RREB1: variants seen among roughly 807,000 people sequenced by gnomAD.
RREB1 encodes the protein ras responsive element binding protein 1.
RREB1 carries 27 observed loss-of-function variants against 117.8 expected under a neutral mutation model. The observed-to-expected ratio is 0.23, with a 90% confidence interval of 0.17 to 0.32. RREB1 has a LOEUF of 0.32. Ranked by LOEUF, RREB1 falls within the 10% of genes least tolerant of loss-of-function variation. The pLI is 1.00. For synonymous variants in RREB1, 1,298 were observed against 1,026.7 expected (o/e 1.26, Z -5.05); for missense variants, 2,577 against 2,378.2 (o/e 1.08, Z -1.74).
intron 1 of RREB1, among the ~76,000 whole-genome samples, chr6:7,157,028 C>G (rs1315401817): frequency 6.6e-6 from 1 of 152,210 alleles, no homozygotes; most frequent in African/African-American, 2.4e-5. Flanking sequence ...GCTGCCTTGC[C>G]CCAGCTCCCT....
At chr6:7,227,801 C>T (rs1767674342) in intron 9 of RREB1, among the ~76,000 whole-genome samples, 1 of 152,170 alleles carries the variant, frequency 6.6e-6, no homozygotes, top group Non-Finnish European at 1.5e-5. Context: ...CACAATGGCT[C>T]ATACCTGTAA....
intron 1 of RREB1, among the ~76,000 whole-genome samples, chr6:7,120,121 A>G (rs907264018): frequency 5.9e-5 from 8 of 136,240 alleles, no homozygotes; most frequent in African/African-American, 1.1e-4. Context: ...TTTTTTAGCT[A>G]TTTCTTTACT....
At chr6:7,201,616 T>C (rs1480896602) in intron 6 of RREB1, among the ~76,000 whole-genome samples, 3 of 151,536 alleles carry the variant, frequency 2.0e-5, no homozygotes, top group Non-Finnish European at 4.4e-5. Flanking sequence ...TGTGTGCCTG[T>C]GGGCCATCCT....
intron 8 of RREB1, chr6:7,212,817 G>A (rs1766692174): frequency 6.6e-6 from 1 of 152,076 alleles, no homozygotes. Flanking sequence ...TATGTTATAG[G>A]GAAAATCCAA....
intron 5 of RREB1, 157 bp downstream of exon 5, chr6:7,187,680 C>T (rs1013397862): frequency 2.4e-5 from 8 of 335,324 alleles, no homozygotes; most frequent in Admixed American, 1.9e-4. Context: ...TCAGTACCTT[C>T]GGACCAGCCT....
intron 1 of RREB1, among the ~76,000 whole-genome samples, chr6:7,121,562 CTTG>C (rs1305189979): frequency 1.3e-5 from 2 of 152,108 alleles, no homozygotes; most frequent in South Asian, 2.1e-4. Flanking sequence ...GTCAGCAACA[CTTG>C]TTGTGTATCT....
chr6:7,224,796 T>G (rs1767485828), intron 8 of RREB1, among the ~76,000 whole-genome samples: 1 of 152,150 alleles, frequency 6.6e-6, no homozygotes, highest in Non-Finnish European at 1.5e-5. Context: ...GTCCCTTCCC[T>G]GGGCCTTGAC....
intron 2 of RREB1, among the ~76,000 whole-genome samples, chr6:7,177,983 A>G (rs1351477524): frequency 6.6e-6 from 1 of 152,138 alleles, no homozygotes; most frequent in African/African-American, 2.4e-5. Context: ...CTGGCCTCCC[A>G]AAGTGCTGGG....
At chr6:7,188,793 C>T (rs546574537) in intron 5 of RREB1, among the ~76,000 whole-genome samples, 1 of 152,240 alleles carries the variant, frequency 6.6e-6, no homozygotes, top group African/African-American at 2.4e-5. Flanking sequence ...GACGTTGACT[C>T]CTTTAATGGA....
At chr6:7,109,333 T>C (rs1413523432) in intron 1 of RREB1, among the ~76,000 whole-genome samples, 1 of 151,474 alleles carries the variant, frequency 6.6e-6, no homozygotes, top group East Asian at 2.0e-4. Flanking sequence ...CTTAGGAAAC[T>C]GCGACCTTAA....
At chr6:7,152,055 A>G (rs1763149556) in intron 1 of RREB1, among the ~76,000 whole-genome samples, 1 of 152,246 alleles carries the variant, frequency 6.6e-6, no homozygotes, top group African/African-American at 2.4e-5. Flanking sequence ...TGATTTGAGG[A>G]TGCATTATGA....
Position 7,249,101 on chromosome 6 carries a change from G to GAGAGAGAGAGAGAGACAGACAGAC in RREB1, c.*136_*137insGAGAGAGAGAGACAGACAGACAGA, listed in dbSNP as rs1561812153. On this transcript the variant is annotated 3_prime_UTR_variant, in exon 13 of 13. Transcript: ENST00000379938. ...AGAGAGAGAGAGAGAGAGAGAGAGA[G>GAGAGAGAGAGAGAGACAGACAGAC]AGACAAGCAGGAGCGTGGCTGCTCG... The GAGAGAGAGAGAGAGACAGACAGAC allele has an allele frequency of 3.4e-6, 2 of 591,898 alleles. No homozygotes were observed. The highest frequency in any genetic ancestry group is 3.5e-5 in the Admixed American group (1 of 28,870). 36.7% of individuals were successfully genotyped at this position (591,898 alleles called of 1,614,324 possible).
chr6:7,171,117 G>A (rs1764185698), intron 1 of RREB1, among the ~76,000 whole-genome samples: 1 of 152,196 alleles, frequency 6.6e-6, no homozygotes, highest in Admixed American at 6.5e-5. Context: ...GGACTAGACT[G>A]TTCAGGATTC....
intron 1 of RREB1, among the ~76,000 whole-genome samples, chr6:7,133,873 C>T (rs942051819): frequency 6.6e-6 from 1 of 152,054 alleles, no homozygotes; most frequent in Non-Finnish European, 1.5e-5. Context: ...TGGATATATA[C>T]ACATATTACA....
At chr6:7,220,298 G>GC (rs1310259305) in intron 8 of RREB1, among the ~76,000 whole-genome samples, 1 of 152,204 alleles carries the variant, frequency 6.6e-6, no homozygotes. Flanking sequence ...ATTTCTGTGA[G>GC]CAGTGATTTG....
chr6:7,231,996 C>T, intron 10 of RREB1, 89 bp downstream of exon 10: 9 of 1,323,860 alleles, frequency 6.8e-6, no homozygotes, highest in Non-Finnish European at 9.3e-6. Context: ...ACCCATCTCC[C>T]ACAGTTCCAG....
chr6:7,192,097 T>C (rs1310350697), intron 6 of RREB1, among the ~76,000 whole-genome samples: 1 of 145,276 alleles, frequency 6.9e-6, no homozygotes, highest in Non-Finnish European at 1.5e-5. Context: ...TATGAAAAGG[T>C]ATTGGATTTT....
At chr6:7,163,548 C>T (rs758482968) in intron 1 of RREB1, among the ~76,000 whole-genome samples, 41 of 152,136 alleles carry the variant, frequency 2.7e-4, no homozygotes, top group Non-Finnish European at 5.3e-4. Context: ...CCCGCCACCA[C>T]GCCCGGCTAA....
intron 6 of RREB1, among the ~76,000 whole-genome samples, chr6:7,205,850 T>C (rs1766242651): frequency 6.6e-6 from 1 of 152,210 alleles, no homozygotes; most frequent in Non-Finnish European, 1.5e-5. Context: ...ATTACACTTG[T>C]GGGAGAAAAG....
Sources: allele counts gnomAD v4.1 joint callset (sites outside exome capture counted in the v4.1 genomes callset), GRCh38; gene constraint gnomAD v4.1.1; transcripts MANE v1.5; gene names NCBI Gene and HGNC (gene_info 2026-07-23, HGNC 2026-07-21).